CHD6: variants seen among roughly 807,000 people sequenced by gnomAD.
The protein encoded by CHD6 is ATP-dependent chromatin remodeler CHD6.
In CHD6, 50 loss-of-function variants were observed where a neutral mutation model predicts 276.9. The observed-to-expected ratio is 0.18, with a 90% CI of 0.14 to 0.23. The LOEUF (loss-of-function observed/expected upper bound fraction) is 0.23, where lower values mean the gene tolerates loss of function less well. Among genes scored for constraint, CHD6 ranks in the 10% least tolerant of loss-of-function variants. The probability of loss-of-function intolerance (pLI) is 1.00; values close to 1 mark genes in which losing one functional copy is unlikely to be tolerated. For synonymous variants in CHD6, 1,173 were observed against 1,229.3 expected, an observed-to-expected ratio of 0.95 and a Z score of 0.96; for missense variants, 2,564 against 3,365.8, an observed-to-expected ratio of 0.76 and a Z score of 5.89.
chr20:41,479,250 CAAAAACA>C (rs2043238695), intron 16 of CHD6, among the ~76,000 whole-genome samples: 1 of 151,428 alleles, frequency 6.6e-6, no homozygotes, highest in African/African-American at 2.4e-5. Context: ...GAGAATGGGG[CAAAAACA>C]AAAAAGAAAT....
intron 1 of CHD6, among the ~76,000 whole-genome samples, chr20:41,567,835 T>C (rs866068462): frequency 6.6e-5 from 10 of 152,090 alleles, no homozygotes; most frequent in African/African-American, 2.4e-4. Flanking sequence ...CCAGGAAGAT[T>C]GACTGGCACT....
At chr20:41,426,255 G>A in intron 27 of CHD6, 102 bp from the exon 28 acceptor site, 1 of 830,806 alleles carries the variant, frequency 1.2e-6, no homozygotes, top group East Asian at 2.4e-5. Flanking sequence ...CATAAGAGCT[G>A]TCCCCTGCCC....
intron 29 of CHD6, 85 bp downstream of exon 29, chr20:41,425,093 C>T (rs1310207796): frequency 3.0e-6 from 3 of 1,011,638 alleles, no homozygotes; most frequent in East Asian, 4.8e-5. Flanking sequence ...CAGAAATATA[C>T]TCGCCCTCCA....
At chr20:41,423,331 A>G (rs557518084) in intron 30 of CHD6, among the ~76,000 whole-genome samples, 161 bp downstream of exon 30, 2 of 152,324 alleles carry the variant, frequency 1.3e-5, no homozygotes, top group East Asian at 1.9e-4. Flanking sequence ...TATGAGGTGG[A>G]CCCAATTAGA....
At chr20:41,575,703 T>C (rs1334630201) in intron 1 of CHD6, among the ~76,000 whole-genome samples, 1 of 152,236 alleles carries the variant, frequency 6.6e-6, no homozygotes, top group African/African-American at 2.4e-5. Flanking sequence ...GAATTTCCAC[T>C]ACACCAAATC....
rs574347177 is a variant in CHD6, at chr20:41,579,437, C to CAAAAAAAAA, written c.-23-28086_-23-28078dup. On this transcript the variant is annotated intron_variant, in intron 1 of 36. Coordinates refer to ENST00000373233, the MANE Select transcript of CHD6 (RefSeq NM_032221.5). ...TGGGCGACAGAGTGAGACTCTGTCT[C>CAAAAAAAAA]AAAAAAAAAAAAAAAAAATCTTAAA... Among the ~76,000 whole-genome samples the CAAAAAAAAA allele has an allele frequency of 1.1e-3, 79 of 69,952 alleles. 2 individuals are homozygous for CAAAAAAAAA. Among genetic ancestry groups the CAAAAAAAAA allele is most frequent in the Non-Finnish European group, 1.5e-3 (55 of 37,258 alleles). 45.9% of individuals were successfully genotyped at this position (69,952 alleles called of 152,430 possible).
Position 41,533,460 on chromosome 20 carries a change from A to T in CHD6, c.144T>A (p.Ile48=). The part of the protein sequence containing the change: ...FDCSTDQEEK[I]EDVASHCLPQ... Reference sequence around the variant, plus strand: ...GCAGACAGTGACTAGCAACATCTTCAATTTTCTCTTCTTGATCAGTGCTGC... The same window carrying T: ...GCAGACAGTGACTAGCAACATCTTCTATTTTCTCTTCTTGATCAGTGCTGC... Residue 48 remains isoleucine, a synonymous_variant, in exon 3 of 37, where the codon ATT becomes ATA. Transcript: ENST00000373233. The T allele has an allele frequency of 6.2e-7, 1 of 1,614,124 alleles. No homozygotes were observed. The highest frequency in any genetic ancestry group is 1.1e-5 in the South Asian group (1 of 91,076).
At chr20:41,507,231 A>G (rs1032610694) in intron 5 of CHD6, among the ~76,000 whole-genome samples, 2 of 152,236 alleles carry the variant, frequency 1.3e-5, no homozygotes, top group African/African-American at 4.8e-5. Context: ...GATTTTGATT[A>G]CAATTCAGAA....
intron 36 of CHD6, among the ~76,000 whole-genome samples, chr20:41,409,432 T>C (rs1036867081): frequency 2.6e-5 from 4 of 152,202 alleles, no homozygotes; most frequent in African/African-American, 7.2e-5. Flanking sequence ...TTCTATCTAA[T>C]TGCACAGGCA....
chr20:41,587,727 G>A (rs572026114), intron 1 of CHD6, among the ~76,000 whole-genome samples: 5 of 152,180 alleles, frequency 3.3e-5, no homozygotes, highest in South Asian at 2.1e-4. Context: ...TATTAATAAC[G>A]CAGTGACACA....
At chr20:41,577,519 A>G (rs949503508) in intron 1 of CHD6, among the ~76,000 whole-genome samples, 2 of 152,376 alleles carry the variant, frequency 1.3e-5, no homozygotes, top group Admixed American at 6.5e-5. Flanking sequence ...AAAGATTCAA[A>G]AAAAGGTTAT....
At chr20:41,566,140 G>A (rs962841967) in intron 1 of CHD6, among the ~76,000 whole-genome samples, 1 of 152,118 alleles carries the variant, frequency 6.6e-6, no homozygotes, top group African/African-American at 2.4e-5. Context: ...ACTGGTCTGA[G>A]GTGACACCCC....
chr20:41,476,726 A>G, intron 16 of CHD6, among the ~76,000 whole-genome samples: 1 of 152,092 alleles, frequency 6.6e-6, no homozygotes, highest in Non-Finnish European at 1.5e-5. Flanking sequence ...GTGTATATGA[A>G]GGACCCAAGT....
intron 1 of CHD6, among the ~76,000 whole-genome samples, chr20:41,580,052 T>C (rs1055409003): frequency 1.3e-5 from 2 of 152,234 alleles, no homozygotes; most frequent in African/African-American, 4.8e-5. Context: ...TAACTGACTA[T>C]ATCATAGATT....
At chr20:41,569,520 T>G (rs1445762425) in intron 1 of CHD6, among the ~76,000 whole-genome samples, 11 of 152,172 alleles carry the variant, frequency 7.2e-5, no homozygotes, top group African/African-American at 2.7e-4. Flanking sequence ...ACAGAATTCA[T>G]GCCCAGAATG....
intron 8 of CHD6, chr20:41,496,921 C>A: frequency 6.2e-6 from 1 of 162,344 alleles, no homozygotes; most frequent in Non-Finnish European, 1.4e-5. Flanking sequence ...TATTAAAATC[C>A]ATCAGTCCTT....
rs549206332 is a variant in CHD6 at position 41,520,215 on chromosome 20, T to C, written c.555-5263A>G. ...TGGAGAAATAGGAACACTTTTACAC[T>C]GTTGGTGGGACTGTAAACTAGTTCA... On this transcript the variant is annotated intron_variant, in intron 3 of 36. Transcript: ENST00000373233. Among the ~76,000 whole-genome samples, 46 of 152,342 alleles carry C rather than the reference T, an allele frequency of 3.0e-4. No homozygotes were observed. The East Asian group carries it at 8.1e-3, about 27-fold the overall frequency.
chr20:41,437,427 A>G (rs1171409488), intron 26 of CHD6, 93 bp from the exon 27 acceptor site: 33 of 778,528 alleles, frequency 4.2e-5, no homozygotes, highest in Non-Finnish European at 2.1e-6. Flanking sequence ...CAAAAATACT[A>G]AGATATTTTG....
intron 1 of CHD6, among the ~76,000 whole-genome samples, chr20:41,593,549 G>A (rs1291239091): frequency 6.6e-6 from 1 of 152,130 alleles, no homozygotes; most frequent in Non-Finnish European, 1.5e-5. Flanking sequence ...TTTCTCTGGT[G>A]ACAACCCCCC....
Sources: gnomAD v4.1 joint callset for allele counts (sites outside exome capture counted in the v4.1 genomes callset) on GRCh38, gnomAD v4.1.1 for gene constraint, MANE v1.5 for transcripts, NCBI Gene and HGNC (gene_info 2026-07-23, HGNC 2026-07-21) for gene names.